PPP1R9A: variants seen among roughly 807,000 people sequenced by gnomAD.
The protein encoded by PPP1R9A is protein phosphatase 1 regulatory subunit 9A.
Under a neutral mutation model 141.9 loss-of-function variants are expected in PPP1R9A, and 59 were observed. The observed-to-expected ratio is 0.42, with a 90% CI of 0.34 to 0.52. The LOEUF is 0.52. Among genes scored for constraint, PPP1R9A ranks in the 20% least tolerant of loss-of-function variants. The pLI, the probability that PPP1R9A is intolerant of heterozygous loss-of-function variation, is 0.10. For missense variants in PPP1R9A, 1,444 were observed against 1,611.9 expected (o/e 0.90, Z 1.78); for synonymous variants, 500 against 569.7 (o/e 0.88, Z 1.74).
intron 2 of PPP1R9A, among the ~76,000 whole-genome samples, chr7:95,075,456 T>C (rs1814692917): frequency 6.6e-6 from 1 of 152,250 alleles, no homozygotes; most frequent in South Asian, 2.1e-4. Context: ...TACATCTGCA[T>C]GGGAGTTCAT....
At chr7:95,284,961 T>G (rs1351057855) in intron 17 of PPP1R9A, among the ~76,000 whole-genome samples, 1 of 152,254 alleles carries the variant, frequency 6.6e-6, no homozygotes, top group Non-Finnish European at 1.5e-5. Context: ...TTAATGTTAC[T>G]TGAATTTAAT....
chr7:95,111,052 G>A (rs191584211), intron 2 of PPP1R9A, among the ~76,000 whole-genome samples: 3 of 152,172 alleles, frequency 2.0e-5, no homozygotes, highest in African/African-American at 7.2e-5. Flanking sequence ...GATTAAAAGT[G>A]GTACTATCGC....
chr7:95,081,673 C>T (rs1815858398), intron 2 of PPP1R9A, among the ~76,000 whole-genome samples: 1 of 152,150 alleles, frequency 6.6e-6, no homozygotes, highest in Non-Finnish European at 1.5e-5. Flanking sequence ...TATGTAGTGA[C>T]ATCAGCGGGA....
At chr7:95,289,227 G>T (rs1318459032) in intron 19 of PPP1R9A, among the ~76,000 whole-genome samples, 2 of 152,012 alleles carry the variant, frequency 1.3e-5, no homozygotes, top group African/African-American at 2.4e-5. Context: ...CACTTGTCCA[G>T]TCCATCTCTC....
chr7:95,280,748 T>C (rs1804053193), intron 16 of PPP1R9A, among the ~76,000 whole-genome samples: 1 of 152,102 alleles, frequency 6.6e-6, no homozygotes, highest in Non-Finnish European at 1.5e-5. Context: ...TATTTTCAGA[T>C]TCATCAAGAG....
chr7:95,091,831 T>C (rs990951178), intron 2 of PPP1R9A, among the ~76,000 whole-genome samples: 2 of 151,898 alleles, frequency 1.3e-5, no homozygotes, highest in Non-Finnish European at 2.9e-5. Context: ...TAATGCTTTT[T>C]TTTTTTTTTC....
chr7:95,234,787 C>T (rs1229808581), intron 8 of PPP1R9A, among the ~76,000 whole-genome samples: 3 of 151,928 alleles, frequency 2.0e-5, no homozygotes, highest in African/African-American at 7.3e-5. Context: ...TATCAGTCAC[C>T]GATATAGCAT....
At chr7:94,943,766 C>A (rs1231976140) in intron 2 of PPP1R9A, among the ~76,000 whole-genome samples, 1 of 152,080 alleles carries the variant, frequency 6.6e-6, no homozygotes, top group Non-Finnish European at 1.5e-5. Context: ...AAACAAATAA[C>A]CCTCATTTCT....
chr7:95,189,120 CT>C (rs1462304455), intron 5 of PPP1R9A, among the ~76,000 whole-genome samples: 3 of 152,134 alleles, frequency 2.0e-5, no homozygotes, highest in South Asian at 4.1e-4. Context: ...ACCCTAATCC[CT>C]TTTGGCTTGT....
At chr7:95,149,812 T>G (rs552934734) in intron 4 of PPP1R9A, among the ~76,000 whole-genome samples, 6 of 142,582 alleles carry the variant, frequency 4.2e-5, no homozygotes, top group Non-Finnish European at 9.5e-5. Context: ...GAAATTTCAA[T>G]CCAAATTTCA....
chr7:95,187,907 T>C (rs1834879672), intron 5 of PPP1R9A, among the ~76,000 whole-genome samples: 1 of 152,144 alleles, frequency 6.6e-6, no homozygotes, highest in African/African-American at 2.4e-5. Context: ...TATTGAGACT[T>C]GTTTAATTTA....
At chr7:95,010,469 T>A (rs1304891284) in intron 2 of PPP1R9A, among the ~76,000 whole-genome samples, 1 of 152,194 alleles carries the variant, frequency 6.6e-6, no homozygotes. Context: ...GAACTTCTAT[T>A]TTTCTTTACA....
intron 8 of PPP1R9A, among the ~76,000 whole-genome samples, chr7:95,235,040 T>A (rs1291329929): frequency 6.6e-6 from 1 of 152,164 alleles, no homozygotes; most frequent in African/African-American, 2.4e-5. Context: ...GACTTAAATC[T>A]AAGATCTGAA....
intron 5 of PPP1R9A, among the ~76,000 whole-genome samples, chr7:95,187,155 G>T (rs1163437235): frequency 6.6e-6 from 1 of 151,270 alleles, no homozygotes; most frequent in Non-Finnish European, 1.5e-5. Context: ...TTTTGTTGTA[G>T]TTGTTGGCAG....
At chr7:94,931,611 T>C (rs574024944) in intron 2 of PPP1R9A, among the ~76,000 whole-genome samples, 1 of 152,286 alleles carries the variant, frequency 6.6e-6, no homozygotes, top group South Asian at 2.1e-4. Context: ...GGAGTTTTGC[T>C]CTTGTTGCCC....
intron 8 of PPP1R9A, among the ~76,000 whole-genome samples, chr7:95,240,110 A>C (rs1797239476): frequency 6.6e-6 from 1 of 151,820 alleles, no homozygotes; most frequent in African/African-American, 2.4e-5. Context: ...TTTGTGGAGG[A>C]TATAGTTTCC....
chr7:95,181,669 AAT>A (rs1213760480), intron 5 of PPP1R9A, among the ~76,000 whole-genome samples: 5 of 129,936 alleles, frequency 3.8e-5, no homozygotes, highest in East Asian at 2.2e-4. Flanking sequence ...ATATATATAG[AAT>A]ATATATATAT....
At chr7:95,247,361 G>A in intron 8 of PPP1R9A, 112 bp from the exon 9 acceptor site, 1 of 784,274 alleles carries the variant, frequency 1.3e-6, no homozygotes, top group South Asian at 1.9e-5. Flanking sequence ...CTGCACTGCA[G>A]CACTTTTCTA....
At chr7:94,996,792 ACT>A (rs1802229075) in intron 2 of PPP1R9A, among the ~76,000 whole-genome samples, 1 of 128,592 alleles carries the variant, frequency 7.8e-6, no homozygotes, top group African/African-American at 3.0e-5. Context: ...CAGTTCAGAT[ACT>A]CTGTGTTTTT....
Sources: gnomAD v4.1 joint callset for allele counts (sites outside exome capture counted in the v4.1 genomes callset) on GRCh38, gnomAD v4.1.1 for gene constraint, MANE v1.5 for transcripts, NCBI Gene and HGNC (gene_info 2026-07-23, HGNC 2026-07-21) for gene names.